TNPO1: variants seen among roughly 807,000 people sequenced by gnomAD.
TNPO1 encodes the protein transportin-1.
In TNPO1, 8 loss-of-function variants were observed where a neutral mutation model predicts 119.5. The ratio of observed to expected loss-of-function variants is 0.07; its 90% CI spans 0.04 to 0.12. TNPO1 has a LOEUF of 0.12. Among genes scored for constraint, TNPO1 ranks in the 10% least tolerant of loss-of-function variants. TNPO1 has a pLI of 1.00. For missense variants in TNPO1, 576 were observed against 1,089.8 expected (o/e 0.53, Z 6.64); for synonymous variants, 362 against 363.0 (o/e 1.00, Z 0.03).
intron 11 of TNPO1, among the ~76,000 whole-genome samples, chr5:72,884,457 T>C (rs1748473538): frequency 6.6e-6 from 1 of 152,254 alleles, no homozygotes; most frequent in African/African-American, 2.4e-5. Flanking sequence ...AAATTGGCTA[T>C]CATAGGTAAT....
chr5:72,816,851 T>C, intron 1 of TNPO1, 99 bp downstream of exon 1: 8 of 1,403,072 alleles, frequency 5.7e-6, no homozygotes, highest in Non-Finnish European at 7.6e-6. Context: ...GACGCCGGGC[T>C]CGCCCGCTCT....
chr5:72,828,529 A>G (rs1418553219), intron 1 of TNPO1, among the ~76,000 whole-genome samples: 1 of 152,146 alleles, frequency 6.6e-6, no homozygotes, highest in Non-Finnish European at 1.5e-5. Context: ...ACATACACAC[A>G]CAAATTTTTG....
In TNPO1 at chr5:72,859,103, C is replaced by T. The variant is rs538376174; in HGVS notation, c.356-2705C>T. Among the ~76,000 whole-genome samples, 20 of 152,230 alleles carry T rather than the reference C, an allele frequency of 1.3e-4. No individual in the cohort carries two copies. The South Asian group carries it at 2.7e-3, about 21-fold the overall frequency. On this transcript the variant is annotated intron_variant, in intron 4 of 24. Coordinates refer to ENST00000337273, the MANE Select transcript of TNPO1 (RefSeq NM_002270.4). ...TAAGAATTGGCAACAGACTCTTCATCACTTACTAACCTTCACAGAAAATTC... is the reference window on the plus strand; with the variant it reads ...TAAGAATTGGCAACAGACTCTTCATTACTTACTAACCTTCACAGAAAATTC...
chr5:72,848,149 G>C (rs1745223743), intron 1 of TNPO1: 3 of 1,201,872 alleles, frequency 2.5e-6, no homozygotes, highest in Admixed American at 4.5e-5. Flanking sequence ...CCTTGCGCTC[G>C]GCGGCCGCGG....
At chr5:72,851,122 G>GT (rs1745515448) in intron 2 of TNPO1, 122 bp from the exon 3 acceptor site, 2 of 659,308 alleles carry the variant, frequency 3.0e-6, no homozygotes, top group South Asian at 3.4e-5. Flanking sequence ...CTTATTCTTA[G>GT]TTTAAAAAAA....
chr5:72,837,470 A>G (rs1259700592), intron 1 of TNPO1, among the ~76,000 whole-genome samples: 1 of 152,176 alleles, frequency 6.6e-6, no homozygotes, highest in East Asian at 1.9e-4. Context: ...TGGCAGTCCA[A>G]AGTGCCTTCC....
intron 11 of TNPO1, among the ~76,000 whole-genome samples, chr5:72,886,234 A>AT (rs1347523244): frequency 1.3e-5 from 2 of 152,142 alleles, no homozygotes; most frequent in African/African-American, 4.8e-5. Flanking sequence ...TTATAGTCCC[A>AT]TAGTTAATTC....
chr5:72,861,821 A>T lies in TNPO1; in HGVS notation c.369A>T (p.Thr123=), dbSNP rs1009243899. ...LIRATVGILI[T]TIASKGELQN... is the part of the protein sequence containing the mutation. Reference sequence around the variant, plus strand: ...TTTTTGTTCAAGGTATTTTGATCACAACTATAGCCTCCAAGGGAGAATTGC... The same window carrying T: ...TTTTTGTTCAAGGTATTTTGATCACTACTATAGCCTCCAAGGGAGAATTGC... Residue 123 remains threonine, a synonymous_variant, in exon 5 of 25, where the codon ACA becomes ACT. Transcript: ENST00000337273. The T allele has an allele frequency of 3.7e-6, 6 of 1,613,484 alleles. No individual in the cohort carries two copies. Among genetic ancestry groups the T allele is most frequent in the Non-Finnish European group, 5.1e-6 (6 of 1,179,446 alleles).
rs564909566 is a variant in TNPO1 at position 72,858,836 on chromosome 5, C to CA, written c.355+2925dup. On this transcript the variant is annotated intron_variant, in intron 4 of 24. Coordinates refer to ENST00000337273, the MANE Select transcript of TNPO1 (RefSeq NM_002270.4). ...TGGATGACAGAGTGAGACTCCGTCT[C>CA]AAAAAAAAAAAAGACTCTAAAGTAT... Among the ~76,000 whole-genome samples the CA allele has an allele frequency of 2.4e-3, 289 of 122,144 alleles. 1 individual carries two copies. Among genetic ancestry groups the CA allele is most frequent in the South Asian group, 0.018 (63 of 3,424 alleles). The allele number at this position is 122,144 out of a possible 152,430, so 80.1% of individuals were successfully genotyped here. A position where few individuals can be genotyped will look rare whatever the true frequency, so the allele number is the denominator to read the frequency against.
intron 1 of TNPO1, among the ~76,000 whole-genome samples, chr5:72,827,685 G>C (rs1249621303): frequency 6.6e-6 from 1 of 152,120 alleles, no homozygotes; most frequent in Non-Finnish European, 1.5e-5. Context: ...AGATTGGAAT[G>C]GGTTGGAGAA....
chr5:72,896,105 A>AT (rs906126473), intron 18 of TNPO1, among the ~76,000 whole-genome samples: 150 of 146,316 alleles, frequency 1.0e-3, no homozygotes, highest in African/African-American at 2.0e-3. Flanking sequence ...AAAATCATTG[A>AT]TTTTTTTTTT....
chr5:72,904,803 C>T (rs184513506), intron 23 of TNPO1, among the ~76,000 whole-genome samples: 1,651 of 152,200 alleles, frequency 0.011, 24 homozygotes, highest in African/African-American at 0.038. Flanking sequence ...GTCCCCGCCA[C>T]ACACACAAAA....
intron 1 of TNPO1, among the ~76,000 whole-genome samples, chr5:72,819,413 G>A (rs1743845879): frequency 6.6e-6 from 1 of 152,220 alleles, no homozygotes; most frequent in Non-Finnish European, 1.5e-5. Flanking sequence ...AGTTTGATTG[G>A]GTTGCTTTGA....
At chr5:72,817,156 G>A (rs921566753) in intron 1 of TNPO1, among the ~76,000 whole-genome samples, 64 of 152,352 alleles carry the variant, frequency 4.2e-4, no homozygotes, top group African/African-American at 1.4e-3. Flanking sequence ...TCTGGGCGCT[G>A]GCCGGCGCTG....
At chr5:72,857,828 GAGA>G (rs1746123544) in intron 4 of TNPO1, among the ~76,000 whole-genome samples, 1 of 152,218 alleles carries the variant, frequency 6.6e-6, no homozygotes, top group Non-Finnish European at 1.5e-5. Flanking sequence ...ATACTAGGGA[GAGA>G]AGAATTGGTT....
At chr5:72,880,291 T>A (rs1207729601) in intron 9 of TNPO1, among the ~76,000 whole-genome samples, 1 of 152,204 alleles carries the variant, frequency 6.6e-6, no homozygotes, top group Non-Finnish European at 1.5e-5. Context: ...ACTAGTACTA[T>A]TTTTATTATT....
chr5:72,902,289 T>C (rs1239507246), intron 22 of TNPO1, among the ~76,000 whole-genome samples: 1 of 152,192 alleles, frequency 6.6e-6, no homozygotes, highest in Non-Finnish European at 1.5e-5. Context: ...TCCTAGCTCG[T>C]ATTGTGGTTT....
chr5:72,848,364 T>A (rs375080916), intron 1 of TNPO1, 21 bp from the exon 2 acceptor site: 11 of 1,606,556 alleles, frequency 6.8e-6, no homozygotes, highest in Non-Finnish European at 9.4e-6. Context: ...CGTCTCTTCC[T>A]GTGTCTGGCT....
At position 72,893,135 on chromosome 5, in the gene TNPO1, C is replaced by G. The variant is rs753720119; in HGVS notation, c.1789-4C>G. On this transcript the variant is annotated splice_region_variant and splice_polypyrimidine_tract_variant and intron_variant, in intron 15 of 24. Transcript: ENST00000337273. Reference sequence around the variant, plus strand: ...GTTTAGCATGTGTACTTTATTCTTCCTAGTGCCTATCTTCAGTTGCCACAG... The same window carrying G: ...GTTTAGCATGTGTACTTTATTCTTCGTAGTGCCTATCTTCAGTTGCCACAG... The G allele has an allele frequency of 1.7e-5, 28 of 1,609,524 alleles. 1 individual carries two copies. Among genetic ancestry groups the G allele is most frequent in the African/African-American group, 2.7e-5 (2 of 74,656 alleles).
Sources: gnomAD v4.1 joint callset for allele counts (sites outside exome capture counted in the v4.1 genomes callset) on GRCh38, gnomAD v4.1.1 for gene constraint, MANE v1.5 for transcripts, NCBI Gene and HGNC (gene_info 2026-07-23, HGNC 2026-07-21) for gene names.